C17orf78: variants seen among roughly 807,000 people sequenced by gnomAD.
The protein encoded by C17orf78 is uncharacterized protein C17orf78.
In C17orf78, 27 loss-of-function variants were observed where a neutral mutation model predicts 31.8. The observed-to-expected ratio is 0.85, with a 90% CI of 0.63 to 1.17. The LOEUF (loss-of-function observed/expected upper bound fraction) is 1.17, where lower values mean the gene tolerates loss of function less well. C17orf78 is among the 50% of genes most tolerant of loss of function. The pLI is 0.00. For synonymous variants in C17orf78, 106 were observed against 115.1 expected (o/e 0.92, Z 0.51); for missense variants, 258 against 315.2 (o/e 0.82, Z 1.37).
intron 2 of C17orf78, among the ~76,000 whole-genome samples, 182 bp from the exon 3 acceptor site, chr17:37,378,955 G>T (rs1049747452): frequency 7.2e-5 from 11 of 152,118 alleles, no homozygotes; most frequent in African/African-American, 2.7e-4. Context: ...CATAGTCACA[G>T]CTACTCAGGA....
rs1001933226 is a variant in C17orf78, at chr17:37,389,342, C to T, written c.730C>T (p.Pro244Ser). ...GQPPGTAESKPDSQPQKVGQD... is the reference protein window; with the variant it reads ...GQPPGTAESKSDSQPQKVGQD... The stretch of plus-strand genomic sequence containing the variant: ...GCCACCTGGGACAGCTGAATCCAAG[C>T]CTGACTCTCAGCCCCAGAAGGAAAG... Residue 244 changes from proline to serine, a missense_variant, in exon 6 of 7, where the codon CCT becomes TCT. Coordinates refer to ENST00000615133, the MANE Select transcript of C17orf78 (RefSeq NM_173625.5). 1.3e-6 allele frequency: 2 copies of T among 1,589,662 alleles called. No homozygotes were observed. Among genetic ancestry groups the T allele is most frequent in the African/African-American group, 1.3e-5 (1 of 74,432 alleles).
Position 37,379,432 on chromosome 17 carries a change from C to T in C17orf78, c.391+50C>T, listed in dbSNP as rs775269826. On this transcript the variant is annotated intron_variant, in intron 3 of 6. Transcript: ENST00000615133. ...GCAGGCACTAACTTTTAGTTGACATCCTTGAAGGCAGCCAGAACTCCGTAG... is the reference window on the plus strand; with the variant it reads ...GCAGGCACTAACTTTTAGTTGACATTCTTGAAGGCAGCCAGAACTCCGTAG... 4 of 1,569,398 alleles carry T rather than the reference C, an allele frequency of 2.5e-6. No homozygotes were observed. The South Asian group carries it at 4.7e-5, about 18-fold the overall frequency.
In C17orf78 at chr17:37,392,679, T is replaced by A. The variant is rs949500902; in HGVS notation, c.*955T>A. Reference sequence around the variant, plus strand: ...TTCTCTGGTTAAAAAAAAAAATACATAAACTGTATCCTTCTTTCTTTCACT... The same window carrying A: ...TTCTCTGGTTAAAAAAAAAAATACAAAAACTGTATCCTTCTTTCTTTCACT... On this transcript the variant is annotated 3_prime_UTR_variant, in exon 7 of 7. Coordinates refer to ENST00000615133, the MANE Select transcript of C17orf78 (RefSeq NM_173625.5). 2.6e-5 allele frequency: 4 copies of A among 152,038 alleles called. No homozygotes were observed. The highest frequency in any genetic ancestry group is 1.3e-4 in the Admixed American group (2 of 15,260). 9.4% of individuals were successfully genotyped at this position (152,038 alleles called of 1,614,324 possible).
chr17:37,384,289 T>A (rs1003375244), intron 3 of C17orf78, among the ~76,000 whole-genome samples: 2 of 152,200 alleles, frequency 1.3e-5, no homozygotes, highest in Non-Finnish European at 2.9e-5. Flanking sequence ...TGGGTCAACA[T>A]GGAATGTAGA....
At position 37,388,789 on chromosome 17, in the gene C17orf78, T is replaced by C. The variant is rs527957387; in HGVS notation, c.628T>C (p.Cys210Arg). Residue 210 changes from cysteine (C) to arginine (R), a missense_variant, in exon 5 of 7, where the codon TGT (cysteine) becomes CGT (arginine). Cys to Arg is a radical substitution (Grantham distance 180). Coordinates refer to ENST00000615133, the MANE Select transcript of C17orf78 (RefSeq NM_173625.5). Reference sequence around the variant, plus strand: ...AGTATTTGTAATTTTTGAAGTCCCATGTCCTGTAAGTTTGCTGTTGTATTG... The same window carrying C: ...AGTATTTGTAATTTTTGAAGTCCCACGTCCTGTAAGTTTGCTGTTGTATTG... ...IIVFVIFEVP[C>R]PYQCLGARKL... 8.7e-6 allele frequency: 14 copies of C among 1,613,250 alleles called. No individual in the cohort carries two copies. The South Asian group carries it at 8.8e-5, about 10-fold the overall frequency.
At position 37,390,330 on chromosome 17, in the gene C17orf78, A is replaced by ATATATATATATAATATATATATC. The variant is rs1386032855; in HGVS notation, c.750+972_750+973insTATATATAATATATATATCTATA. On this transcript the variant is annotated intron_variant, in intron 6 of 6. Transcript: ENST00000615133. ...TATATATATATATATATATATATAT[A>ATATATATATATAATATATATATC]TATAAAAGGCCAGCTGGGCCGGGCA... 4.8e-4 allele frequency among the ~76,000 whole-genome samples: 20 copies of ATATATATATATAATATATATATC among 41,590 alleles called. 2 individuals carry two copies. The highest frequency in any genetic ancestry group is 5.0e-4 in the Admixed American group (1 of 1,998). The allele number at this position is 41,590 out of a possible 152,430, so 27.3% of individuals were successfully genotyped here. A position where few individuals can be genotyped will look rare whatever the true frequency, so the allele number is the denominator to read the frequency against.
intron 3 of C17orf78, among the ~76,000 whole-genome samples, chr17:37,381,841 A>T (rs1013744669): frequency 1.3e-5 from 2 of 150,910 alleles, no homozygotes; most frequent in Admixed American, 6.6e-5. Flanking sequence ...GTTGGCCAGG[A>T]TGGTCTCGAT....
chr17:37,390,330 A>ATATATATATATATATATATATC lies in C17orf78; in HGVS notation c.750+972_750+973insTATATATATATATATATCTATA, dbSNP rs1386032855. ...TATATATATATATATATATATATAT[A>ATATATATATATATATATATATC]TATAAAAGGCCAGCTGGGCCGGGCA... is the stretch of plus-strand genomic sequence containing the variant. On this transcript the variant is annotated intron_variant, in intron 6 of 6. Transcript: ENST00000615133. Among the ~76,000 whole-genome samples the ATATATATATATATATATATATC allele has an allele frequency of 3.5e-3, 144 of 41,476 alleles. 6 individuals are homozygous for ATATATATATATATATATATATC. The highest frequency in any genetic ancestry group is 5.6e-3 in the African/African-American group (44 of 7,818). 27.2% of individuals were successfully genotyped at this position (41,476 alleles called of 152,430 possible). A position where few individuals can be genotyped will look rare whatever the true frequency, so the allele number is the denominator to read the frequency against.
At chr17:37,378,542 A>G (rs2050105330) in intron 2 of C17orf78, among the ~76,000 whole-genome samples, 1 of 151,898 alleles carries the variant, frequency 6.6e-6, no homozygotes, top group African/African-American at 2.4e-5. Context: ...GTGAAACCCC[A>G]TCTCTACTAA....
At position 37,392,179 on chromosome 17, in the gene C17orf78, GTTTTGTAA is replaced by G. The variant is rs1278653060; in HGVS notation, c.*459_*466del. On this transcript the variant is annotated 3_prime_UTR_variant, in exon 7 of 7. Transcript: ENST00000615133. ...GATCTCCCTGGTTGACGTTTATAAG[GTTTTGTAA>G]TTTAGCTTCTGGTACTACATGTATC... The G allele has an allele frequency of 2.4e-5, 4 of 164,540 alleles. No homozygotes were observed. Among genetic ancestry groups the G allele is most frequent in the African/African-American group, 7.2e-5 (3 of 41,848 alleles). 10.2% of individuals were successfully genotyped at this position (164,540 alleles called of 1,614,324 possible).
intron 3 of C17orf78, 103 bp from the exon 4 acceptor site, chr17:37,385,906 C>T (rs1200884351): frequency 1.3e-6 from 1 of 744,924 alleles, no homozygotes; most frequent in Non-Finnish European, 2.2e-6. Flanking sequence ...AATGGGACCA[C>T]AATTGGAAGT....
At chr17:37,385,901 G>C (rs2050504321) in intron 3 of C17orf78, 108 bp from the exon 4 acceptor site, 1 of 706,858 alleles carries the variant, frequency 1.4e-6, no homozygotes, top group South Asian at 2.0e-5. Context: ...AGGTTAATGG[G>C]ACCACAATTG....
intron 3 of C17orf78, among the ~76,000 whole-genome samples, chr17:37,385,325 T>C (rs1252689330): frequency 1.3e-5 from 2 of 151,996 alleles, no homozygotes; most frequent in African/African-American, 2.4e-5. Context: ...ATATAAAAAT[T>C]AGCCGGGTGC....
intron 6 of C17orf78, among the ~76,000 whole-genome samples, chr17:37,389,970 T>C (rs1206239382): frequency 6.7e-6 from 1 of 148,272 alleles, no homozygotes; most frequent in Admixed American, 6.9e-5. Flanking sequence ...ATCATTTAGA[T>C]TGGAGTCAAG....
chr17:37,381,772 C>T (rs767217332), intron 3 of C17orf78, among the ~76,000 whole-genome samples: 4 of 151,464 alleles, frequency 2.6e-5, no homozygotes, highest in Non-Finnish European at 4.4e-5. Context: ...GGACTACAGG[C>T]ACTCGCCACC....
intron 3 of C17orf78, among the ~76,000 whole-genome samples, chr17:37,384,783 C>A (rs1874927115): frequency 6.6e-6 from 1 of 152,210 alleles, no homozygotes; most frequent in Non-Finnish European, 1.5e-5. Context: ...TCGGGGATCA[C>A]CTCTTCCCCT....
At chr17:37,378,409 G>C (rs1380654970) in intron 2 of C17orf78, among the ~76,000 whole-genome samples, 1 of 152,140 alleles carries the variant, frequency 6.6e-6, no homozygotes, top group Non-Finnish European at 1.5e-5. Flanking sequence ...GCTTGGCACT[G>C]TTCAGATTAA....
chr17:37,388,909 C>T (rs2050669245), intron 5 of C17orf78, 115 bp downstream of exon 5: 1 of 1,331,412 alleles, frequency 7.5e-7, no homozygotes, highest in Admixed American at 2.1e-5. Flanking sequence ...AGGAGATGTG[C>T]CACTCACACT....
rs202068969 is a variant in C17orf78 at position 37,389,316 on chromosome 17, A to G, written c.704A>G (p.Gln235Arg). The G allele has an allele frequency of 1.0e-4, 164 of 1,597,350 alleles. No homozygotes were observed. The Admixed American group carries it at 2.8e-3, about 27-fold the overall frequency. ...WLWRWQKKGG[Q>R]PPGTAESKPD... ...TGGAGATGGCAAAAGAAGGGAGGCC[A>G]GCCACCTGGGACAGCTGAATCCAAG... The change falls in exon 6 of 7, where the codon CAG (glutamine) becomes CGG (arginine). Residue 235 changes from glutamine to arginine, a missense_variant. By Grantham distance (43) the Gln-to-Arg change is conservative (BLOSUM62 1). Transcript: ENST00000615133.
Sources: allele counts gnomAD v4.1 joint callset (sites outside exome capture counted in the v4.1 genomes callset), GRCh38; gene constraint gnomAD v4.1.1; transcripts MANE v1.5; gene names NCBI Gene and HGNC (gene_info 2026-07-23, HGNC 2026-07-21).